OPRM1: variants seen among roughly 807,000 people sequenced by gnomAD.
The protein encoded by OPRM1 is mu-type opioid receptor.
In OPRM1, 27 loss-of-function variants were observed where a neutral mutation model predicts 31.8. That is an observed-to-expected ratio of 0.85 (90% confidence interval 0.63 to 1.17). OPRM1 has a LOEUF of 1.17. Ranked by LOEUF, OPRM1 falls within the 50% of genes most tolerant of loss-of-function variation. The pLI is 0.00. For missense variants in OPRM1, 536 were observed against 511.1 expected (o/e 1.05, Z -0.47); for synonymous variants, 196 against 189.9 (o/e 1.03, Z -0.26).
At chr6:154,046,178 G>A (rs190573278) in intron 1 of OPRM1, among the ~76,000 whole-genome samples, 49 of 152,232 alleles carry the variant, frequency 3.2e-4, no homozygotes, top group Admixed American at 1.6e-3. Flanking sequence ...TCAAAAACTC[G>A]TAAGAAAAAT....
At chr6:154,150,336 T>C (rs1798466467) in intron 3 of OPRM1, among the ~76,000 whole-genome samples, 1 of 152,242 alleles carries the variant, frequency 6.6e-6, no homozygotes, top group Non-Finnish European at 1.5e-5. Context: ...ACCTTCAGGA[T>C]CTACTCCCAG....
At chr6:154,099,900 A>C (rs9384177) in intron 3 of OPRM1, among the ~76,000 whole-genome samples, 29 of 140,082 alleles carry the variant, frequency 2.1e-4, no homozygotes, top group African/African-American at 5.7e-4. Flanking sequence ...TATATATTAT[A>C]TTATGATATA....
chr6:154,224,588 G>A (rs1779112075), intron 3 of OPRM1, among the ~76,000 whole-genome samples: 1 of 152,074 alleles, frequency 6.6e-6, no homozygotes, highest in South Asian at 2.1e-4. Flanking sequence ...GTGGGCCCCT[G>A]TAATTTCAGC....
chr6:154,054,313 G>A (rs1455663180), intron 1 of OPRM1, among the ~76,000 whole-genome samples: 3 of 146,788 alleles, frequency 2.0e-5, no homozygotes, highest in Non-Finnish European at 4.5e-5. Context: ...AGCTTGTAGT[G>A]AGCTGAAATC....
chr6:154,063,309 A>T (rs974582567), intron 1 of OPRM1, among the ~76,000 whole-genome samples: 1 of 152,016 alleles, frequency 6.6e-6, no homozygotes, highest in South Asian at 2.1e-4. Flanking sequence ...AGTAAAGCTT[A>T]CTGTACTTTA....
chr6:154,173,622 A>G (rs1444233349), intron 3 of OPRM1, among the ~76,000 whole-genome samples: 1 of 152,236 alleles, frequency 6.6e-6, no homozygotes, highest in African/African-American at 2.4e-5. Context: ...AGATTATAGA[A>G]AAAAGAATGA....
intron 2 of OPRM1, among the ~76,000 whole-genome samples, chr6:154,090,421 C>A (rs925431953): frequency 6.6e-6 from 1 of 152,146 alleles, no homozygotes; most frequent in Non-Finnish European, 1.5e-5. Flanking sequence ...GTATTTACTT[C>A]ATAAAAATGG....
intron 1 of OPRM1, among the ~76,000 whole-genome samples, chr6:154,070,394 G>A (rs945830303): frequency 6.6e-6 from 1 of 152,162 alleles, no homozygotes; most frequent in Non-Finnish European, 1.5e-5. Flanking sequence ...TTATCTAGAT[G>A]GGGAGACAGA....
At chr6:154,140,197 A>G (rs958793143) in intron 3 of OPRM1, among the ~76,000 whole-genome samples, 11 of 152,304 alleles carry the variant, frequency 7.2e-5, no homozygotes, top group African/African-American at 2.6e-4. Flanking sequence ...CAAAAGAACC[A>G]CAGCTTTTAT....
chr6:154,178,254 G>A (rs546094942), intron 3 of OPRM1, among the ~76,000 whole-genome samples: 9 of 152,136 alleles, frequency 5.9e-5, no homozygotes, highest in East Asian at 5.8e-4. Context: ...AAACCTGCAC[G>A]TTGTGCACAA....
At position 154,090,869 on chromosome 6, in the gene OPRM1, G is replaced by C. The variant is rs2075572; in HGVS notation, c.644-83G>C. On this transcript the variant is annotated intron_variant, in intron 2 of 3. Transcript: ENST00000330432. ...GTTAGCTCTGGTCAAGGCTAAAAATGAATGAGCAAAATGGCAGTATTAACA... is the reference window on the plus strand; with the variant it reads ...GTTAGCTCTGGTCAAGGCTAAAAATCAATGAGCAAAATGGCAGTATTAACA... 736,543 of 1,267,934 alleles carry C rather than the reference G, an allele frequency of 0.58. 217,224 individuals carry two copies. Among genetic ancestry groups the C allele is most frequent in the East Asian group, 0.78 (33,560 of 42,848 alleles). 78.5% of individuals were successfully genotyped at this position (1,267,934 alleles called of 1,614,324 possible).
intron 1 of OPRM1, chr6:154,011,124 T>G (rs560905116): frequency 9.7e-7 from 1 of 1,032,728 alleles, no homozygotes; most frequent in African/African-American, 1.7e-5. Context: ...TGCTATACAT[T>G]CTACCTTGTC....
chr6:154,111,214 T>G (rs868421911), intron 3 of OPRM1, among the ~76,000 whole-genome samples: 2 of 152,084 alleles, frequency 1.3e-5, no homozygotes, highest in African/African-American at 4.8e-5. Context: ...AGGGGATGAG[T>G]TTCCTATTAT....
At chr6:154,158,523 T>G (rs1372246182) in intron 3 of OPRM1, 7 of 152,200 alleles carry the variant, frequency 4.6e-5, no homozygotes, top group African/African-American at 1.7e-4. Context: ...AGTCCTTTGC[T>G]GGTTAAAAGA....
At chr6:154,018,399 G>A (rs754582898) in intron 1 of OPRM1, among the ~76,000 whole-genome samples, 22 of 151,926 alleles carry the variant, frequency 1.4e-4, no homozygotes, top group Non-Finnish European at 2.6e-4. Context: ...CAGCCTGTGT[G>A]ACAGAGTGAG....
At chr6:154,050,791 G>C (rs1452092630) in intron 1 of OPRM1, among the ~76,000 whole-genome samples, 1 of 152,126 alleles carries the variant, frequency 6.6e-6, no homozygotes, top group African/African-American at 2.4e-5. Context: ...AAGGATAAAT[G>C]CTTGAGGGGA....
At chr6:154,101,727 C>G (rs1197839621) in intron 3 of OPRM1, among the ~76,000 whole-genome samples, 1 of 151,940 alleles carries the variant, frequency 6.6e-6, no homozygotes, top group African/African-American at 2.4e-5. Context: ...TATTGTGTAC[C>G]TTTTTTCTTA....
At chr6:154,145,887 G>C (rs1457202871) in intron 3 of OPRM1, among the ~76,000 whole-genome samples, 5 of 152,182 alleles carry the variant, frequency 3.3e-5, no homozygotes, top group Non-Finnish European at 7.4e-5. Flanking sequence ...GAAGATAAAA[G>C]TGTTTTCAAC....
chr6:154,176,515 C>G (rs749388023), intron 3 of OPRM1, among the ~76,000 whole-genome samples: 3 of 152,116 alleles, frequency 2.0e-5, no homozygotes, highest in Non-Finnish European at 4.4e-5. Context: ...CACAAGCATT[C>G]CAATACACCA....
Sources: allele counts gnomAD v4.1 joint callset (sites outside exome capture counted in the v4.1 genomes callset), GRCh38; gene constraint gnomAD v4.1.1; transcripts MANE v1.5; gene names NCBI Gene and HGNC (gene_info 2026-07-23, HGNC 2026-07-21).